CAMTA1: variants seen among roughly 807,000 people sequenced by gnomAD.
CAMTA1 encodes the protein calmodulin-binding transcription activator 1.
A neutral mutation model predicts 170.9 loss-of-function variants in CAMTA1; 27 were observed. The ratio of observed to expected loss-of-function variants is 0.16; its 90% CI spans 0.12 to 0.22. The LOEUF is 0.22. CAMTA1 is among the 10% of genes least tolerant of loss of function. CAMTA1 has a pLI of 1.00. For synonymous variants in CAMTA1, 833 were observed against 891.5 expected (o/e 0.93, Z 1.17); for missense variants, 1,619 against 2,217.2 (o/e 0.73, Z 5.42).
At position 7,562,432 on chromosome 1, in the gene CAMTA1, C is replaced by T. The variant is rs915240226; in HGVS notation, c.511-77968C>T. ...CAGCTAATTTAAGCTTTGTTTGCTGCGATGCTGGAACTTCTGCCTGGCTCT... is the reference window on the plus strand; with the variant it reads ...CAGCTAATTTAAGCTTTGTTTGCTGTGATGCTGGAACTTCTGCCTGGCTCT... On this transcript the variant is annotated intron_variant, in intron 6 of 22. Coordinates refer to ENST00000303635, the MANE Select transcript of CAMTA1 (RefSeq NM_015215.4). The surrounding 1 kb of genome is among the most constrained non-coding windows in gnomAD (Gnocchi z 4.8). 4.6e-5 allele frequency among the ~76,000 whole-genome samples: 7 copies of T among 152,164 alleles called. No individual in the cohort carries two copies. Among genetic ancestry groups the T allele is most frequent in the African/African-American group, 7.2e-5 (3 of 41,436 alleles).
rs575419748 is a variant in CAMTA1, at chr1:6,949,144, A to G, written c.234+123934A>G. Reference sequence around the variant, plus strand: ...CTCTGAGACTTTATCTTTAGAACCAATGATTAATTTAAATAGGCTAAATTG... The same window carrying G: ...CTCTGAGACTTTATCTTTAGAACCAGTGATTAATTTAAATAGGCTAAATTG... On this transcript the variant is annotated intron_variant, in intron 3 of 22. Coordinates refer to ENST00000303635, the MANE Select transcript of CAMTA1 (RefSeq NM_015215.4). Among the ~76,000 whole-genome samples the G allele has an allele frequency of 5.9e-5, 9 of 152,344 alleles. No homozygotes were observed. In the South Asian group the frequency reaches 1.7e-3, roughly 28 times the overall value.
At chr1:7,478,980 A>G (rs1443392056) in intron 6 of CAMTA1, among the ~76,000 whole-genome samples, 1 of 152,234 alleles carries the variant, frequency 6.6e-6, no homozygotes, top group Non-Finnish European at 1.5e-5. Context: ...TTCAAAGGGC[A>G]AAGAGTGAAA....
At chr1:7,413,742 C>A (rs994506630) in intron 5 of CAMTA1, among the ~76,000 whole-genome samples, 1 of 152,090 alleles carries the variant, frequency 6.6e-6, no homozygotes, top group African/African-American at 2.4e-5. Flanking sequence ...ATTGAATACC[C>A]TTTATTTCCT....
chr1:7,600,017 C>T, intron 6 of CAMTA1, among the ~76,000 whole-genome samples: 1 of 152,176 alleles, frequency 6.6e-6, no homozygotes, highest in East Asian at 1.9e-4. Flanking sequence ...CTGTCTTGTG[C>T]CAGTTCTCAA....
At chr1:7,360,203 G>A (rs912400564) in intron 5 of CAMTA1, among the ~76,000 whole-genome samples, 2 of 152,184 alleles carry the variant, frequency 1.3e-5, no homozygotes, top group African/African-American at 4.8e-5. Context: ...CTCCAAACAA[G>A]GGTTCATTCT....
rs998421100 is a variant in CAMTA1 at position 7,251,575 on chromosome 1, C to T, written c.438+1949C>T. Among the ~76,000 whole-genome samples the T allele has an allele frequency of 2.0e-5, 3 of 152,178 alleles. No homozygotes were observed. Among genetic ancestry groups the T allele is most frequent in the Non-Finnish European group, 4.4e-5 (3 of 68,032 alleles). ...CTTGCCCGTGAGCTCAGCGAGTTGT[C>T]CCACTGAGCCACTCAGCAGATATCG... On this transcript the variant is annotated intron_variant, in intron 5 of 22. Transcript: ENST00000303635. This position sits in a 1 kb window ranked among gnomAD's most constrained non-coding sequence, Gnocchi z 5.1.
intron 5 of CAMTA1, among the ~76,000 whole-genome samples, chr1:7,382,184 T>A (rs184878500): frequency 1.3e-5 from 2 of 152,354 alleles, no homozygotes; most frequent in African/African-American, 4.8e-5. Flanking sequence ...AAATGTAGGC[T>A]TCACTCTGAG....
Position 7,123,724 on chromosome 1 carries a change from C to T in CAMTA1, c.302+32353C>T, listed in dbSNP as rs535370343. 5.3e-5 allele frequency among the ~76,000 whole-genome samples: 8 copies of T among 152,118 alleles called. 1 individual carries two copies. The South Asian group carries it at 1.7e-3, about 32-fold the overall frequency. On this transcript the variant is annotated intron_variant, in intron 4 of 22. Coordinates refer to ENST00000303635, the MANE Select transcript of CAMTA1 (RefSeq NM_015215.4). The stretch of plus-strand genomic sequence containing the variant: ...TGGGGATGCCTGTTCTGGCCCTTGA[C>T]TTGTTTGGAGAGCCCTGTTGTCACC...
intron 5 of CAMTA1, among the ~76,000 whole-genome samples, chr1:7,433,935 TC>T (rs1259207442): frequency 6.6e-6 from 1 of 152,098 alleles, no homozygotes; most frequent in Non-Finnish European, 1.5e-5. Flanking sequence ...TCAGCCCTCC[TC>T]ATTCAATGCA....
At chr1:7,743,669 C>T (rs1289937696) in intron 16 of CAMTA1, among the ~76,000 whole-genome samples, 3 of 152,036 alleles carry the variant, frequency 2.0e-5, no homozygotes, top group Non-Finnish European at 4.4e-5. Context: ...ATAGTTCCAT[C>T]GAGAACATTT....
At chr1:7,591,065 C>T (rs2095351837) in intron 6 of CAMTA1, among the ~76,000 whole-genome samples, 1 of 152,124 alleles carries the variant, frequency 6.6e-6, no homozygotes, top group South Asian at 2.1e-4. Flanking sequence ...CTGCCATTTC[C>T]CCCATAATGG....
intron 3 of CAMTA1, among the ~76,000 whole-genome samples, chr1:7,090,925 A>G (rs1641381573): frequency 1.3e-5 from 2 of 152,226 alleles, no homozygotes; most frequent in Non-Finnish European, 2.9e-5. Flanking sequence ...GCTTCAGAAA[A>G]GGACGAAACT....
chr1:7,104,228 CTACACACGTGTACACACAACACACAT>C (rs1573074084), intron 4 of CAMTA1, among the ~76,000 whole-genome samples: 1 of 142,824 alleles, frequency 7.0e-6, no homozygotes, highest in African/African-American at 2.7e-5. Context: ...CACAACACAA[CTACACACGTGTACACACAACACACAT>C]ACACACAACT....
At chr1:7,477,004 C>T (rs2149596221) in intron 6 of CAMTA1, among the ~76,000 whole-genome samples, 2 of 152,304 alleles carry the variant, frequency 1.3e-5, no homozygotes, top group East Asian at 3.9e-4. Flanking sequence ...CTTCACAGAC[C>T]TTGCAGGAAA....
intron 7 of CAMTA1, among the ~76,000 whole-genome samples, chr1:7,643,474 G>A (rs1165551793): frequency 6.6e-6 from 1 of 152,202 alleles, no homozygotes; most frequent in East Asian, 1.9e-4. Flanking sequence ...CACACAGACA[G>A]CCCTTCTCCT....
chr1:7,513,196 C>T (rs1019096699), intron 6 of CAMTA1, among the ~76,000 whole-genome samples: 1 of 152,122 alleles, frequency 6.6e-6, no homozygotes, highest in Non-Finnish European at 1.5e-5. Flanking sequence ...GAGAAGCGGC[C>T]GATTCTGGGC....
intron 3 of CAMTA1, among the ~76,000 whole-genome samples, chr1:6,995,336 C>G (rs1209052390): frequency 9.4e-6 from 1 of 106,688 alleles, no homozygotes; most frequent in East Asian, 3.1e-4. Flanking sequence ...GAGTCTCACT[C>G]TGTCGCCAGG....
chr1:7,731,193 A>G (rs1013929744), intron 11 of CAMTA1, among the ~76,000 whole-genome samples: 2 of 152,132 alleles, frequency 1.3e-5, no homozygotes, highest in African/African-American at 4.8e-5. Context: ...TTGAGTTTCA[A>G]TCCTAGCTCC....
chr1:7,422,596 G>A (rs2091637456), intron 5 of CAMTA1, among the ~76,000 whole-genome samples: 1 of 152,150 alleles, frequency 6.6e-6, no homozygotes, highest in African/African-American at 2.4e-5. Context: ...TACAAATATT[G>A]AAAATGAGGA....
Sources: gnomAD v4.1 joint callset for allele counts (sites outside exome capture counted in the v4.1 genomes callset) on GRCh38, gnomAD v4.1.1 for gene constraint, Gnocchi (gnomAD v3.1) non-coding constraint, MANE v1.5 for transcripts, NCBI Gene and HGNC (gene_info 2026-07-23, HGNC 2026-07-21) for gene names.